The following GPHN variants were observed in gnomAD, a reference collection of about 807,000 sequenced individuals.
GPHN encodes gephyrin.
In GPHN, 17 loss-of-function variants were observed where a neutral mutation model predicts 95.5. That is an observed-to-expected ratio of 0.18 (90% CI 0.12 to 0.27). The LOEUF (loss-of-function observed/expected upper bound fraction) is 0.27, where lower values mean the gene tolerates loss of function less well. Among genes scored for constraint, GPHN ranks in the 10% least tolerant of loss-of-function variants. The pLI is 1.00. For missense variants in GPHN, 660 were observed against 978.1 expected, an observed-to-expected ratio of 0.67 and a Z score of 4.34; for synonymous variants, 320 against 322.5, an observed-to-expected ratio of 0.99 and a Z score of 0.08.
chr14:66,539,418 T>TTC (rs2059268958), intron 1 of GPHN, among the ~76,000 whole-genome samples: 1 of 145,936 alleles, frequency 6.9e-6, no homozygotes, highest in Non-Finnish European at 1.5e-5. Flanking sequence ...TCTTTTTTTT[T>TTC]TTTTTTTTTT....
intron 1 of GPHN, among the ~76,000 whole-genome samples, chr14:66,513,568 A>T (rs1458739680): frequency 6.6e-6 from 1 of 151,798 alleles, no homozygotes; most frequent in Admixed American, 6.6e-5. Flanking sequence ...GAAAGGTATT[A>T]AAAAAAGATC....
At chr14:67,698,202 T>G in the GPHN span, among the ~76,000 whole-genome samples, 3 of 152,220 alleles carry the variant, frequency 2.0e-5, no homozygotes, top group Non-Finnish European at 4.4e-5. Flanking sequence ...CTCCCCATAC[T>G]TGTGTGTATT....
chr14:66,874,067 A>C (rs910964309), intron 4 of GPHN, among the ~76,000 whole-genome samples: 4 of 152,202 alleles, frequency 2.6e-5, no homozygotes, highest in Admixed American at 2.0e-4. Context: ...AATTGGCAGC[A>C]ATCTTTGCTG....
chr14:67,215,540 G>A, the GPHN span, among the ~76,000 whole-genome samples: 1 of 151,620 alleles, frequency 6.6e-6, no homozygotes, highest in Admixed American at 6.6e-5. Flanking sequence ...ACAGGAGAGA[G>A]TGAGAGTAAA....
chr14:67,316,513 T>C, the GPHN span, among the ~76,000 whole-genome samples: 1 of 152,194 alleles, frequency 6.6e-6, no homozygotes, highest in Admixed American at 6.5e-5. Context: ...CTAGAACCAT[T>C]GTAAGATCCA....
chr14:66,696,829 T>G (rs376428715), intron 2 of GPHN, among the ~76,000 whole-genome samples: 1 of 152,236 alleles, frequency 6.6e-6, no homozygotes, highest in Non-Finnish European at 1.5e-5. Context: ...TTCCTAAAGA[T>G]GCTATGAATT....
chr14:67,547,732 C>A, the GPHN span, among the ~76,000 whole-genome samples: 2 of 152,196 alleles, frequency 1.3e-5, no homozygotes, highest in African/African-American at 4.8e-5. Flanking sequence ...GGAAGAATGC[C>A]CTTCTTCCTA....
At chr14:66,611,997 C>T (rs2062802885) in intron 1 of GPHN, among the ~76,000 whole-genome samples, 1 of 152,106 alleles carries the variant, frequency 6.6e-6, no homozygotes, top group Non-Finnish European at 1.5e-5. Flanking sequence ...TTTCATCCCC[C>T]ATCTACTTTT....
At chr14:67,267,281 G>A in the GPHN span, among the ~76,000 whole-genome samples, 1 of 151,784 alleles carries the variant, frequency 6.6e-6, no homozygotes, top group African/African-American at 2.4e-5. Context: ...TTAATGAGAC[G>A]GAATTTCACT....
intron 8 of GPHN, among the ~76,000 whole-genome samples, chr14:66,951,923 G>T (rs2068134970): frequency 6.6e-6 from 1 of 151,932 alleles, no homozygotes; most frequent in Non-Finnish European, 1.5e-5. Context: ...GTGTATTAGA[G>T]ATCCAAACAG....
At chr14:67,238,886 A>G in the GPHN span, among the ~76,000 whole-genome samples, 4 of 151,978 alleles carry the variant, frequency 2.6e-5, no homozygotes, top group Non-Finnish European at 5.9e-5. Flanking sequence ...CAAGGGATCC[A>G]TACACCTTGG....
At chr14:66,803,818 T>C (rs1481507556) in intron 3 of GPHN, among the ~76,000 whole-genome samples, 3 of 152,150 alleles carry the variant, frequency 2.0e-5, no homozygotes, top group Non-Finnish European at 4.4e-5. Context: ...TTGCATTATT[T>C]ACCCCTGATG....
intron 2 of GPHN, among the ~76,000 whole-genome samples, chr14:66,753,847 C>T (rs1164974346): frequency 6.6e-6 from 1 of 151,996 alleles, no homozygotes; most frequent in East Asian, 1.9e-4. Context: ...TCTCTGTGCC[C>T]ATTACCAGTC....
At chr14:67,460,827 T>C in the GPHN span, among the ~76,000 whole-genome samples, 3 of 152,214 alleles carry the variant, frequency 2.0e-5, no homozygotes, top group South Asian at 6.2e-4. Flanking sequence ...ATACAGCATA[T>C]AAATGTTTTA....
the GPHN span, among the ~76,000 whole-genome samples, chr14:67,731,401 G>C: frequency 6.6e-6 from 1 of 151,596 alleles, no homozygotes; most frequent in Admixed American, 6.6e-5. Context: ...TTCTAGTAGA[G>C]ATGGAGTTTT....
the GPHN span, among the ~76,000 whole-genome samples, chr14:67,355,050 G>A: frequency 1.3e-5 from 2 of 152,062 alleles, no homozygotes; most frequent in Admixed American, 6.5e-5. Flanking sequence ...GACCTCAGGT[G>A]ATCCGCCCAC....
chr14:67,531,209 A>C, the GPHN span, among the ~76,000 whole-genome samples: 1 of 152,184 alleles, frequency 6.6e-6, no homozygotes, highest in African/African-American at 2.4e-5. Flanking sequence ...TGAGCCTAGG[A>C]GTTCTGGGCT....
intron 1 of GPHN, among the ~76,000 whole-genome samples, chr14:66,642,402 G>C (rs1290854583): frequency 6.6e-6 from 1 of 152,078 alleles, no homozygotes; most frequent in Admixed American, 6.6e-5. Flanking sequence ...ACTGGAGAGA[G>C]GCCTCTGGTT....
the GPHN span, among the ~76,000 whole-genome samples, chr14:67,393,456 T>TG: frequency 6.6e-6 from 1 of 152,040 alleles, no homozygotes; most frequent in Non-Finnish European, 1.5e-5. Context: ...TTGTTGTTGT[T>TG]TTTTGTTTGT....
Sources: gnomAD v4.1 joint callset for allele counts (sites outside exome capture counted in the v4.1 genomes callset) on GRCh38, gnomAD v4.1.1 for gene constraint, MANE v1.5 for transcripts, NCBI Gene and HGNC (gene_info 2026-07-23, HGNC 2026-07-21) for gene names.